The following ENPP1 variants were observed in gnomAD, a reference collection of about 807,000 sequenced individuals.
ENPP1 encodes the protein ectonucleotide pyrophosphatase/phosphodiesterase 1, also known as ectonucleotide pyrophosphatase/phosphodiesterase family member 1.
ENPP1 carries 73 observed loss-of-function variants against 122.8 expected under a neutral mutation model. That is an observed-to-expected ratio of 0.59 (90% confidence interval 0.49 to 0.72). The LOEUF is 0.72. Among genes scored for constraint, ENPP1 ranks in the 30% least tolerant of loss-of-function variants. ENPP1 has a pLI of 0.00. For synonymous variants in ENPP1, 367 were observed against 391.6 expected (o/e 0.94, Z 0.74); for missense variants, 978 against 1,128.1 (o/e 0.87, Z 1.91).
At chr6:131,834,093 A>T (rs1016457523) in intron 1 of ENPP1, among the ~76,000 whole-genome samples, 4 of 152,238 alleles carry the variant, frequency 2.6e-5, no homozygotes, top group Non-Finnish European at 5.9e-5. Context: ...CAATGAAACC[A>T]TTACTTTATA....
In ENPP1 at chr6:131,882,373, A is replaced by T; in HGVS notation, c.2129A>T (p.Asn710Ile). 1 of 1,605,544 alleles carries T rather than the reference A, an allele frequency of 6.2e-7. No individual in the cohort carries two copies. The highest frequency in any genetic ancestry group is 1.3e-5 in the African/African-American group (1 of 74,680). ...NDSFSTEDFS[N>I]CLYQDFRIPL... ...AGTTTCTCTACGGAAGACTTCTCCA[A>T]CTGTCTGTACCAGGACTTTAGAATT... is the stretch of plus-strand genomic sequence containing the variant. The change falls in exon 21 of 25, where the codon AAC becomes ATC. Residue 710 changes from asparagine to isoleucine, a missense_variant. Around this residue, in one of 3 missense-constraint regions of ENPP1, gnomAD observed 644 missense variants for 781.5 expected, o/e 0.82. Transcript: ENST00000647893.
At chr6:131,825,639 A>G (rs1781537067) in intron 1 of ENPP1, among the ~76,000 whole-genome samples, 1 of 152,216 alleles carries the variant, frequency 6.6e-6, no homozygotes, top group Admixed American at 6.5e-5. Context: ...CCAATTAACA[A>G]TGATGAAAAT....
Position 131,890,741 on chromosome 6 carries a change from G to T in ENPP1, c.*230G>T, listed in dbSNP as rs149952642. The stretch of plus-strand genomic sequence containing the variant: ...TGTAAGCATTGTATACATTGATCAA[G>T]TTCGGGGGAATAAAGACAGACCACA... On this transcript the variant is annotated 3_prime_UTR_variant, in exon 25 of 25. Coordinates refer to ENST00000647893, the MANE Select transcript of ENPP1 (RefSeq NM_006208.3). The T allele has an allele frequency of 1.7e-4, 95 of 545,550 alleles. No homozygotes were observed. The highest frequency in any genetic ancestry group is 1.3e-3 in the African/African-American group (67 of 52,826). 33.8% of individuals were successfully genotyped at this position (545,550 alleles called of 1,614,324 possible).
chr6:131,814,173 A>G (rs780285217), intron 1 of ENPP1, among the ~76,000 whole-genome samples: 1 of 152,212 alleles, frequency 6.6e-6, no homozygotes, highest in Non-Finnish European at 1.5e-5. Flanking sequence ...CTGGCGGAGC[A>G]TAGAGGCTAA....
intron 1 of ENPP1, among the ~76,000 whole-genome samples, chr6:131,808,986 T>C (rs912922315): frequency 3.9e-5 from 6 of 152,230 alleles, no homozygotes; most frequent in African/African-American, 1.4e-4. Context: ...GTTTTTATTC[T>C]GAATTCATGG....
At chr6:131,864,187 A>T (rs1782059279) in intron 9 of ENPP1, among the ~76,000 whole-genome samples, 1 of 152,156 alleles carries the variant, frequency 6.6e-6, no homozygotes, top group Non-Finnish European at 1.5e-5. Flanking sequence ...GTGCTTCATG[A>T]TGTATGCTTT....
rs1782501824 is a variant in ENPP1, at chr6:131,893,692, T to A, written c.*3181T>A. The A allele has an allele frequency of 6.6e-6, 1 of 152,166 alleles. No individual in the cohort carries two copies. The highest frequency in any genetic ancestry group is 1.5e-5 in the Non-Finnish European group (1 of 68,024). The allele number at this position is 152,166 out of a possible 1,614,324, so 9.4% of individuals were successfully genotyped here. ...GCACCCACATCTGCTCCTACTTAGC[T>A]TTTTTTCTGTGGTTCTTACACAGTA... On this transcript the variant is annotated 3_prime_UTR_variant, in exon 25 of 25. Coordinates refer to ENST00000647893, the MANE Select transcript of ENPP1 (RefSeq NM_006208.3).
Position 131,809,817 on chromosome 6 carries a change from C to A in ENPP1, c.240+1542C>A, listed in dbSNP as rs141253423. Among the ~76,000 whole-genome samples, 681 of 152,290 alleles carry A rather than the reference C, an allele frequency of 4.5e-3. 6 individuals carry two copies. Among genetic ancestry groups the A allele is most frequent in the African/African-American group, 0.016 (647 of 41,554 alleles). On this transcript the variant is annotated intron_variant, in intron 1 of 24. Coordinates refer to ENST00000647893, the MANE Select transcript of ENPP1 (RefSeq NM_006208.3). ...TTACTTATACATCCACAACAGATATCAGCAAAGGTCTAGTTTTGGAATAAG... is the reference window on the plus strand; with the variant it reads ...TTACTTATACATCCACAACAGATATAAGCAAAGGTCTAGTTTTGGAATAAG...
At chr6:131,865,456 C>T (rs1353339256) in intron 11 of ENPP1, among the ~76,000 whole-genome samples, 1 of 152,138 alleles carries the variant, frequency 6.6e-6, no homozygotes, top group Non-Finnish European at 1.5e-5. Context: ...TCCTAGGAAA[C>T]TAGAGGTACG....
At position 131,841,177 on chromosome 6, in the gene ENPP1, G is replaced by A. The variant is rs116596484; in HGVS notation, c.241-6599G>A. Among the ~76,000 whole-genome samples the A allele has an allele frequency of 6.9e-3, 1,055 of 152,282 alleles. 27 individuals carry two copies. Among genetic ancestry groups the A allele is most frequent in the African/African-American group, 0.024 (1,011 of 41,546 alleles). On this transcript the variant is annotated intron_variant, in intron 1 of 24. Transcript: ENST00000647893. ...CTTTGAGCTTTTGTAATGCTCCAAA[G>A]TTCTTCAGGAATGTGTTGTCTTTGA...
chr6:131,876,523 A>G lies in ENPP1; in HGVS notation c.1724-469A>G, dbSNP rs575926321. ...CTGGCATATAGTAAGTGCTTACTACATAAGTATTTGCTGTTATTACATTTA... is the reference window on the plus strand; with the variant it reads ...CTGGCATATAGTAAGTGCTTACTACGTAAGTATTTGCTGTTATTACATTTA... On this transcript the variant is annotated intron_variant, in intron 17 of 24. Coordinates refer to ENST00000647893, the MANE Select transcript of ENPP1 (RefSeq NM_006208.3). 9.8e-5 allele frequency among the ~76,000 whole-genome samples: 15 copies of G among 152,336 alleles called. No homozygotes were observed. In the East Asian group the frequency reaches 2.7e-3, roughly 27 times the overall value.
intron 11 of ENPP1, among the ~76,000 whole-genome samples, chr6:131,867,808 T>A (rs17060836): frequency 6.6e-6 from 1 of 152,160 alleles, no homozygotes; most frequent in African/African-American, 2.4e-5. Flanking sequence ...AGTTATTTAC[T>A]GTTCTTTGTA....
chr6:131,838,748 G>A (rs1003278195), intron 1 of ENPP1, among the ~76,000 whole-genome samples: 2 of 152,006 alleles, frequency 1.3e-5, no homozygotes, highest in South Asian at 2.1e-4. Context: ...GACAAAAAAG[G>A]GTGGCAGTAC....
chr6:131,888,757 C>A (rs1782421883), intron 24 of ENPP1, among the ~76,000 whole-genome samples: 1 of 152,116 alleles, frequency 6.6e-6, no homozygotes, highest in Non-Finnish European at 1.5e-5. Flanking sequence ...GTTTTGTGGG[C>A]ATTGTTGGAA....
intron 1 of ENPP1, among the ~76,000 whole-genome samples, chr6:131,813,845 G>C (rs1374203373): frequency 6.6e-6 from 1 of 152,150 alleles, no homozygotes; most frequent in East Asian, 1.9e-4. Flanking sequence ...TCAGTTGGTC[G>C]AGGGCTTTGG....
intron 1 of ENPP1, among the ~76,000 whole-genome samples, chr6:131,835,959 C>G (rs1413451283): frequency 1.3e-5 from 2 of 152,116 alleles, no homozygotes; most frequent in East Asian, 1.9e-4. Flanking sequence ...GCCCAGATCC[C>G]CTAAGTGACA....
intron 13 of ENPP1, among the ~76,000 whole-genome samples, chr6:131,870,401 T>C (rs993600363): frequency 2.0e-5 from 3 of 152,230 alleles, no homozygotes; most frequent in Admixed American, 6.5e-5. Context: ...GCCAGTCAAG[T>C]GTATTTCATA....
Position 131,834,724 on chromosome 6 carries a change from C to T in ENPP1, c.241-13052C>T, listed in dbSNP as rs1016204610. On this transcript the variant is annotated intron_variant, in intron 1 of 24. Coordinates refer to ENST00000647893, the MANE Select transcript of ENPP1 (RefSeq NM_006208.3). The stretch of plus-strand genomic sequence containing the variant: ...TTTTTTTTTGTATTTTTAGTAGAGA[C>T]GGGGTTTCACCATTTTAGTAGAGAC... 7.6e-5 allele frequency among the ~76,000 whole-genome samples: 10 copies of T among 131,268 alleles called. No homozygotes were observed. In the South Asian group the frequency reaches 1.1e-3, roughly 14 times the overall value. The allele number at this position is 131,268 out of a possible 152,430, so 86.1% of individuals were successfully genotyped here.
intron 1 of ENPP1, among the ~76,000 whole-genome samples, chr6:131,829,139 G>A (rs1781580330): frequency 6.6e-6 from 1 of 152,254 alleles, no homozygotes; most frequent in Non-Finnish European, 1.5e-5. Flanking sequence ...AGATTCATGA[G>A]GCTTTTCCTT....
Sources: gnomAD v4.1 joint callset for allele counts (sites outside exome capture counted in the v4.1 genomes callset) on GRCh38, gnomAD v4.1.1 for gene constraint, gnomAD v4.1.1 regional missense constraint, MANE v1.5 for transcripts, NCBI Gene and HGNC (gene_info 2026-07-23, HGNC 2026-07-21) for gene names.